RBMS3: variants seen among roughly 807,000 people sequenced by gnomAD.
RBMS3 encodes the protein RNA binding motif single stranded interacting protein 3, also known as RNA-binding motif, single-stranded-interacting protein 3.
RBMS3 carries 27 observed loss-of-function variants against 66.8 expected under a neutral mutation model. The ratio of observed to expected loss-of-function variants is 0.40; its 90% confidence interval spans 0.30 to 0.56. RBMS3 has a LOEUF of 0.56. Ranked by LOEUF, RBMS3 falls within the 20% of genes least tolerant of loss-of-function variation. The probability of loss-of-function intolerance (pLI) is 0.40; values close to 1 mark genes in which losing one functional copy is unlikely to be tolerated. For synonymous variants in RBMS3, 188 were observed against 183.0 expected, an observed-to-expected ratio of 1.03 and a Z score of -0.22; for missense variants, 513 against 549.5, an observed-to-expected ratio of 0.93 and a Z score of 0.66.
intron 10 of RBMS3, among the ~76,000 whole-genome samples, chr3:29,923,710 A>T (rs1213979522): frequency 6.6e-6 from 1 of 152,136 alleles, no homozygotes; most frequent in Admixed American, 6.5e-5. Context: ...AGGTCAGAAA[A>T]CGTGTTTTTG....
chr3:29,523,354 A>G (rs1467301179), intron 3 of RBMS3, among the ~76,000 whole-genome samples: 1 of 152,130 alleles, frequency 6.6e-6, no homozygotes, highest in Non-Finnish European at 1.5e-5. Flanking sequence ...TTAAATTTTT[A>G]TAGTCACTTG....
At chr3:29,689,392 G>C (rs970716227) in intron 4 of RBMS3, among the ~76,000 whole-genome samples, 26 of 151,968 alleles carry the variant, frequency 1.7e-4, no homozygotes, top group African/African-American at 5.1e-4. Context: ...GTACATAAAT[G>C]TACTTATGAA....
intron 3 of RBMS3, among the ~76,000 whole-genome samples, chr3:29,547,902 C>G (rs552459936): frequency 6.9e-6 from 1 of 145,834 alleles, no homozygotes; most frequent in South Asian, 2.2e-4. Context: ...CCTCCGTCTT[C>G]TCATGTCTCA....
At chr3:29,780,556 CT>C (rs1308874772) in intron 6 of RBMS3, among the ~76,000 whole-genome samples, 2 of 152,020 alleles carry the variant, frequency 1.3e-5, no homozygotes, top group Non-Finnish European at 2.9e-5. Context: ...ATTTCTGTAT[CT>C]TTTGCTTTTT....
At chr3:29,565,405 T>C (rs2046706211) in intron 3 of RBMS3, among the ~76,000 whole-genome samples, 1 of 152,186 alleles carries the variant, frequency 6.6e-6, no homozygotes, top group Non-Finnish European at 1.5e-5. Context: ...TTGAAAACAG[T>C]GATTTCACTA....
intron 3 of RBMS3, among the ~76,000 whole-genome samples, chr3:29,567,472 T>C (rs1398784932): frequency 6.6e-6 from 1 of 152,158 alleles, no homozygotes; most frequent in Admixed American, 6.6e-5. Context: ...AGGTAAACGC[T>C]ATACAGACCC....
intron 2 of RBMS3, among the ~76,000 whole-genome samples, chr3:29,472,191 C>G (rs987364428): frequency 2.3e-4 from 34 of 147,542 alleles, no homozygotes; most frequent in Non-Finnish European, 4.3e-4. Flanking sequence ...TATGCCTCTT[C>G]TAATTTTTTT....
chr3:29,898,539 A>G (rs1284428578), intron 9 of RBMS3, among the ~76,000 whole-genome samples: 2 of 151,646 alleles, frequency 1.3e-5, no homozygotes, highest in Admixed American at 6.6e-5. Context: ...ATTCCCCCCA[A>G]AGCAGATCAT....
At chr3:29,829,933 C>T (rs1348521416) in intron 6 of RBMS3, among the ~76,000 whole-genome samples, 1 of 152,070 alleles carries the variant, frequency 6.6e-6, no homozygotes, top group Admixed American at 6.6e-5. Flanking sequence ...TATTATGTCG[C>T]TTCCTGTCCC....
chr3:29,686,078 G>A lies in RBMS3; in HGVS notation c.400-53642G>A, dbSNP rs112406772. On this transcript the variant is annotated intron_variant, in intron 4 of 14. Coordinates refer to ENST00000383767, the MANE Select transcript of RBMS3 (RefSeq NM_001003793.3). The stretch of plus-strand genomic sequence containing the variant: ...AAGCACTTTTGACCTTAGACAGGTG[G>A]CCTAAAAGGTGGGTACCAACTAGCC... Among the ~76,000 whole-genome samples, 331 of 152,278 alleles carry A rather than the reference G, an allele frequency of 2.2e-3. 1 individual carries two copies. Among genetic ancestry groups the A allele is most frequent in the South Asian group, 5.0e-3 (24 of 4,826 alleles).
intron 6 of RBMS3, among the ~76,000 whole-genome samples, chr3:29,793,391 G>T (rs564149434): frequency 2.0e-5 from 3 of 151,884 alleles, no homozygotes; most frequent in Admixed American, 2.0e-4. Context: ...ATGATTCTTA[G>T]ATAACAATTT....
chr3:29,468,140 T>C (rs1177665716), intron 2 of RBMS3, among the ~76,000 whole-genome samples: 1 of 152,122 alleles, frequency 6.6e-6, no homozygotes, highest in African/African-American at 2.4e-5. Flanking sequence ...CCATGAAAAA[T>C]TCCATAAATT....
intron 12 of RBMS3, among the ~76,000 whole-genome samples, chr3:29,962,502 A>C (rs1696539220): frequency 6.7e-6 from 1 of 149,122 alleles, no homozygotes; most frequent in Admixed American, 6.9e-5. Flanking sequence ...TGGTTACTTT[A>C]TATAGGTTTT....
intron 2 of RBMS3, among the ~76,000 whole-genome samples, chr3:29,468,748 T>C (rs1376189833): frequency 6.6e-6 from 1 of 152,140 alleles, no homozygotes; most frequent in Non-Finnish European, 1.5e-5. Flanking sequence ...GATGTTTGCT[T>C]GACAGTCTCA....
intron 3 of RBMS3, among the ~76,000 whole-genome samples, chr3:29,554,670 A>T (rs193262274): frequency 1.3e-5 from 2 of 152,268 alleles, no homozygotes; most frequent in African/African-American, 2.4e-5. Flanking sequence ...TAGACAAGGA[A>T]AAAGGATGAT....
chr3:29,465,194 C>G (rs180979416), intron 2 of RBMS3, among the ~76,000 whole-genome samples: 6 of 152,130 alleles, frequency 3.9e-5, no homozygotes, highest in Admixed American at 3.9e-4. Flanking sequence ...AATCTGGATG[C>G]TTTTTAATTT....
chr3:29,943,847 C>G (rs2061447915), intron 11 of RBMS3, among the ~76,000 whole-genome samples: 1 of 151,616 alleles, frequency 6.6e-6, no homozygotes, highest in Admixed American at 6.6e-5. Flanking sequence ...TCGTATCATG[C>G]TCTGGGCCCC....
At chr3:29,642,238 C>G (rs2049745434) in intron 4 of RBMS3, among the ~76,000 whole-genome samples, 4 of 152,060 alleles carry the variant, frequency 2.6e-5, no homozygotes. Flanking sequence ...CTGGGATTCA[C>G]CATCTGATCT....
chr3:29,654,532 G>A (rs1279922394), intron 4 of RBMS3, among the ~76,000 whole-genome samples: 2 of 90,500 alleles, frequency 2.2e-5, no homozygotes, highest in African/African-American at 4.0e-5. Flanking sequence ...GTGTGTGTGT[G>A]TGTGTGTGTG....
Sources: gnomAD v4.1 joint callset for allele counts (sites outside exome capture counted in the v4.1 genomes callset) on GRCh38, gnomAD v4.1.1 for gene constraint, MANE v1.5 for transcripts, NCBI Gene and HGNC (gene_info 2026-07-23, HGNC 2026-07-21) for gene names.